The following USP28 variants were observed in gnomAD, a reference collection of about 807,000 sequenced individuals.
USP28 encodes ubiquitin carboxyl-terminal hydrolase 28.
Under a neutral mutation model 145.0 loss-of-function variants are expected in USP28, and 113 were observed. The observed-to-expected ratio is 0.78, with a 90% CI of 0.67 to 0.91. The LOEUF (loss-of-function observed/expected upper bound fraction) is 0.91. Among genes scored for constraint, USP28 ranks in the 40% least tolerant of loss-of-function variants. The probability of loss-of-function intolerance (pLI) is 0.00; values close to 1 mark genes in which losing one functional copy is unlikely to be tolerated. For synonymous variants in USP28, 447 were observed against 450.9 expected, an observed-to-expected ratio of 0.99 and a Z score of 0.11; for missense variants, 1,201 against 1,289.6, an observed-to-expected ratio of 0.93 and a Z score of 1.05.
chr11:113,799,558 G>A (rs1170168380), intron 24 of USP28, 143 bp from the exon 26 acceptor site: 2 of 955,626 alleles, frequency 2.1e-6, no homozygotes, highest in Non-Finnish European at 3.0e-6. Flanking sequence ...TATTCCTTCA[G>A]GCCAAACCAG....
intron 16 of USP28, among the ~76,000 whole-genome samples, chr11:113,811,623 G>A (rs1246560727): frequency 3.3e-5 from 5 of 152,124 alleles, no homozygotes; most frequent in Non-Finnish European, 5.9e-5. Flanking sequence ...GGCAGGCGGA[G>A]GTTGCAGTGA....
At chr11:113,804,832 C>G (rs1939661916) in intron 20 of USP28, 36 bp downstream of exon 21, 10 of 1,611,586 alleles carry the variant, frequency 6.2e-6, no homozygotes, top group Non-Finnish European at 6.8e-6. Context: ...TAGCCCAACC[C>G]AGACCAAGGG....
intron 1 of USP28, among the ~76,000 whole-genome samples, chr11:113,866,097 C>T (rs1236559589): frequency 6.6e-6 from 1 of 152,180 alleles, no homozygotes; most frequent in Admixed American, 6.5e-5. Context: ...AGTTCAAGAC[C>T]AGCCTGGCCA....
chr11:113,836,644 CTT>C (rs1944598370), intron 5 of USP28, among the ~76,000 whole-genome samples: 1 of 152,180 alleles, frequency 6.6e-6, no homozygotes, highest in South Asian at 2.1e-4. Context: ...AACTCCAACT[CTT>C]TTCTATTTCC....
chr11:113,804,609 C>T, intron 21 of USP28, 64 bp downstream of exon 22: 1 of 1,461,330 alleles, frequency 6.8e-7, no homozygotes, highest in Middle Eastern at 1.8e-4. Flanking sequence ...TTTATTTTGC[C>T]TCAGGTACCA....
At chr11:113,819,200 C>A (rs1370996963) in intron 12 of USP28, among the ~76,000 whole-genome samples, 1 of 151,666 alleles carries the variant, frequency 6.6e-6, no homozygotes, top group Non-Finnish European at 1.5e-5. Context: ...GCAACCTCTG[C>A]CTCCTGGGTT....
At chr11:113,854,650 T>C (rs548171262) in intron 1 of USP28, among the ~76,000 whole-genome samples, 1 of 152,318 alleles carries the variant, frequency 6.6e-6, no homozygotes, top group Admixed American at 6.5e-5. Flanking sequence ...TCCACCCGCC[T>C]AGGCCTCCCA....
chr11:113,838,499 G>A (rs973185258), intron 5 of USP28, among the ~76,000 whole-genome samples: 1 of 152,082 alleles, frequency 6.6e-6, no homozygotes, highest in South Asian at 2.1e-4. Flanking sequence ...GGATCACTCC[G>A]TCTTAGCTAT....
intron 12 of USP28, 179 bp from the exon 13 acceptor site, chr11:113,818,016 A>C (rs1942014246): frequency 1.9e-6 from 1 of 517,584 alleles, no homozygotes; most frequent in African/African-American, 1.9e-5. Flanking sequence ...CTACAAAACT[A>C]AAAATTGCCA....
At chr11:113,870,424 G>A (rs1040708588) in intron 1 of USP28, among the ~76,000 whole-genome samples, 3 of 152,230 alleles carry the variant, frequency 2.0e-5, no homozygotes, top group Non-Finnish European at 4.4e-5. Context: ...CTACTCAGGA[G>A]GCTGAGGTGG....
At chr11:113,818,882 C>CA (rs532395394) in intron 12 of USP28, among the ~76,000 whole-genome samples, 17,158 of 134,304 alleles carry the variant, frequency 0.13, 1,014 homozygotes, top group Middle Eastern at 0.2. Context: ...AACAAAACAC[C>CA]AAAAAAAAAA....
chr11:113,809,012 G>C, intron 17 of USP28, 51 bp downstream of exon 17: 8 of 1,575,034 alleles, frequency 5.1e-6, no homozygotes, highest in Non-Finnish European at 6.1e-6. Context: ...GGCTAGGGGA[G>C]TACAGCATGA....
intron 14 of USP28, among the ~76,000 whole-genome samples, chr11:113,814,360 C>A (rs1941406525): frequency 6.6e-6 from 1 of 152,010 alleles, no homozygotes; most frequent in African/African-American, 2.4e-5. Flanking sequence ...GTTCCCTAGA[C>A]AAAAGGAGAC....
At chr11:113,816,972 G>A (rs1028551334) in intron 13 of USP28, among the ~76,000 whole-genome samples, 10 of 152,132 alleles carry the variant, frequency 6.6e-5, no homozygotes, top group Non-Finnish European at 1.3e-4. Context: ...AATACGTGGG[G>A]CGGTGGCGGG....
intron 18 of USP28, 122 bp downstream of exon 19, chr11:113,807,829 T>C (rs1490640585): frequency 6.1e-6 from 4 of 655,986 alleles, no homozygotes; most frequent in Non-Finnish European, 7.6e-6. Context: ...AAATAGGCTT[T>C]CTTGACAATC....
chr11:113,840,635 T>G (rs1411615090), exon 5 of USP28: 1 of 1,614,166 alleles, frequency 6.2e-7, no homozygotes. Flanking sequence ...ATTGCCAACA[T>G]TTTTCAGCCC....
At chr11:113,833,528 C>G (rs746332456) in exon 7 of USP28, 1 of 1,613,928 alleles carries the variant, frequency 6.2e-7, no homozygotes, top group Non-Finnish European at 8.5e-7. Context: ...AATACTGAAG[C>G]TCTTGCATAA....
intron 1 of USP28, among the ~76,000 whole-genome samples, chr11:113,872,962 C>G (rs1948982030): frequency 6.6e-6 from 1 of 152,140 alleles, no homozygotes; most frequent in Non-Finnish European, 1.5e-5. Context: ...ATTTCTCGCA[C>G]TAAAATTCTT....
chr11:113,836,586 C>T (rs558682898), intron 5 of USP28, among the ~76,000 whole-genome samples: 1 of 152,206 alleles, frequency 6.6e-6, no homozygotes, highest in East Asian at 1.9e-4. Context: ...GAGTCAACAT[C>T]CAATCCCTGA....
Sources: allele counts gnomAD v4.1 joint callset (sites outside exome capture counted in the v4.1 genomes callset), GRCh38; gene constraint gnomAD v4.1.1; transcripts MANE v1.5; gene names NCBI Gene and HGNC (gene_info 2026-07-23, HGNC 2026-07-21).